The following PKP2 variants were observed in gnomAD, a reference collection of about 807,000 sequenced individuals.
The protein encoded by PKP2 is plakophilin-2.
In PKP2, 73 loss-of-function variants were observed where a neutral mutation model predicts 83.4. The observed-to-expected ratio is 0.88, with a 90% CI of 0.72 to 1.06. The LOEUF (loss-of-function observed/expected upper bound fraction) is 1.06, where lower values mean the gene tolerates loss of function less well. PKP2 is among the 50% of genes least tolerant of loss of function. PKP2 has a pLI of 0.00. For missense variants in PKP2, 966 were observed against 1,065.4 expected (o/e 0.91, Z 1.30); for synonymous variants, 409 against 430.4 (o/e 0.95, Z 0.62).
chr12:32,883,448 C>T (rs1957003085), intron 1 of PKP2, among the ~76,000 whole-genome samples: 1 of 152,104 alleles, frequency 6.6e-6, no homozygotes, highest in Non-Finnish European at 1.5e-5. Context: ...TAAAATAAGT[C>T]ATTTTCTGTT....
intron 1 of PKP2, among the ~76,000 whole-genome samples, chr12:32,886,225 T>C (rs1272050578): frequency 6.6e-6 from 1 of 152,202 alleles, no homozygotes; most frequent in Non-Finnish European, 1.5e-5. Flanking sequence ...TTACTGTTAT[T>C]TGGTCTTTCT....
chr12:32,857,120 G>T (rs1331063495), intron 4 of PKP2, among the ~76,000 whole-genome samples: 1 of 152,110 alleles, frequency 6.6e-6, no homozygotes, highest in Admixed American at 6.6e-5. Flanking sequence ...GAGAAGAAAA[G>T]CAAAAGAAGA....
intron 9 of PKP2, chr12:32,821,009 A>C: frequency 3.3e-6 from 1 of 299,644 alleles, no homozygotes; most frequent in South Asian, 3.4e-5. Flanking sequence ...GAGATGAAGA[A>C]AGTCAACTGT....
chr12:32,858,115 ATTTATATATATTTTATATT>A (rs1956770003), intron 4 of PKP2, among the ~76,000 whole-genome samples: 135 of 94,216 alleles, frequency 1.4e-3, no homozygotes, highest in Non-Finnish European at 2.2e-3. Flanking sequence ...ATATATATAT[ATTTATATATATTTTATATT>A]TATATATATA....
chr12:32,792,255 C>T lies in PKP2; in HGVS notation c.*169G>A. The T allele has an allele frequency of 1.5e-6, 1 of 677,038 alleles. No individual in the cohort carries two copies. The allele number at this position is 677,038 out of a possible 1,614,324, so 41.9% of individuals were successfully genotyped here. A position where few individuals can be genotyped will look rare whatever the true frequency, so the allele number is the denominator to read the frequency against. ...CTGGTGGCAAACTTGCAAAGGTCTT[C>T]TGGAAGACTCATAAAATTATGTTCT... On this transcript the variant is annotated 3_prime_UTR_variant, in exon 13 of 13. Coordinates refer to ENST00000340811, the MANE Select transcript of PKP2 (RefSeq NM_001005242.3).
intron 4 of PKP2, among the ~76,000 whole-genome samples, chr12:32,856,314 A>G (rs1000775810): frequency 1.3e-5 from 2 of 152,172 alleles, no homozygotes; most frequent in Non-Finnish European, 2.9e-5. Flanking sequence ...GCTGTGAAGC[A>G]TGAGACTATT....
At chr12:32,812,343 G>A (rs138138913) in intron 9 of PKP2, among the ~76,000 whole-genome samples, 1 of 152,126 alleles carries the variant, frequency 6.6e-6, no homozygotes, top group Non-Finnish European at 1.5e-5. Context: ...ACGGTAACAT[G>A]GAATCTGTGT....
At chr12:32,804,804 T>C (rs936107225) in intron 9 of PKP2, among the ~76,000 whole-genome samples, 1 of 152,230 alleles carries the variant, frequency 6.6e-6, no homozygotes, top group African/African-American at 2.4e-5. Context: ...TATATTCCTT[T>C]GGGTATATAC....
intron 9 of PKP2, among the ~76,000 whole-genome samples, chr12:32,806,312 G>A (rs1956225398): frequency 6.6e-6 from 1 of 152,096 alleles, no homozygotes; most frequent in Non-Finnish European, 1.5e-5. Flanking sequence ...TTGTACCTCT[G>A]GCAGAATTCA....
In PKP2 at chr12:32,796,141, G is replaced by T; in HGVS notation, c.2325C>A (p.Ile775=). 6.2e-7 allele frequency: 1 copy of T among 1,614,108 alleles called. No individual in the cohort carries two copies. Among genetic ancestry groups the T allele is most frequent in the South Asian group, 1.1e-5 (1 of 91,078 alleles). Residue 775 remains isoleucine, a synonymous_variant, in exon 11 of 13, where the codon ATC becomes ATA. Coordinates refer to ENST00000340811, the MANE Select transcript of PKP2 (RefSeq NM_001005242.3). ...NARDLLNTGG[I]QKIMAISAGD... is the part of the protein sequence containing the mutation. ...CTGCACTAATGGCCATAATTTTCTG[G>T]ATGCCCCCGGTGTTTAGAAGGTCGC...
intron 9 of PKP2, among the ~76,000 whole-genome samples, chr12:32,810,591 T>C (rs1956267932): frequency 6.6e-6 from 1 of 152,212 alleles, no homozygotes; most frequent in Non-Finnish European, 1.5e-5. Flanking sequence ...GTTTTTTTAA[T>C]CTACTCTTTA....
At chr12:32,875,195 A>G (rs1956921923) in intron 3 of PKP2, among the ~76,000 whole-genome samples, 1 of 152,208 alleles carries the variant, frequency 6.6e-6, no homozygotes, top group African/African-American at 2.4e-5. Flanking sequence ...TTTTTCTGAT[A>G]GAGACACTCA....
At chr12:32,890,404 A>T (rs932698840) in intron 1 of PKP2, among the ~76,000 whole-genome samples, 1 of 152,212 alleles carries the variant, frequency 6.6e-6, no homozygotes, top group Non-Finnish European at 1.5e-5. Context: ...GAAATCAAGG[A>T]ATTGCAGAAC....
At chr12:32,825,952 A>ATTTGG (rs1956436215) in intron 6 of PKP2, among the ~76,000 whole-genome samples, 1 of 152,154 alleles carries the variant, frequency 6.6e-6, no homozygotes, top group Non-Finnish European at 1.5e-5. Flanking sequence ...CTTCTGCCTC[A>ATTTGG]AAATACTGCT....
chr12:32,812,028 T>C (rs1956281259), intron 9 of PKP2, among the ~76,000 whole-genome samples: 1 of 151,950 alleles, frequency 6.6e-6, no homozygotes, highest in Non-Finnish European at 1.5e-5. Flanking sequence ...GCCATTTTAC[T>C]ATCCTTTGTG....
At chr12:32,855,773 CA>C (rs11431590) in intron 4 of PKP2, among the ~76,000 whole-genome samples, 88 of 46,838 alleles carry the variant, frequency 1.9e-3, no homozygotes, top group African/African-American at 5.1e-3. Flanking sequence ...GACTCCATCT[CA>C]AAAAAAAAAA....
intron 6 of PKP2, among the ~76,000 whole-genome samples, chr12:32,835,178 C>T (rs1443115565): frequency 6.6e-5 from 10 of 151,418 alleles, no homozygotes; most frequent in African/African-American, 1.5e-4. Context: ...CTCAGCCTCC[C>T]GAGTAGCCGG....
chr12:32,873,611 C>T (rs1432220923), intron 3 of PKP2, among the ~76,000 whole-genome samples: 1 of 152,028 alleles, frequency 6.6e-6, no homozygotes, highest in East Asian at 1.9e-4. Flanking sequence ...CTCATTGCAA[C>T]CTCCGCCTCC....
chr12:32,888,082 T>A (rs925212498), intron 1 of PKP2, among the ~76,000 whole-genome samples: 1 of 152,152 alleles, frequency 6.6e-6, no homozygotes, highest in African/African-American at 2.4e-5. Context: ...CTCAGGAGGC[T>A]GAGGTGAGAG....
Sources: allele counts gnomAD v4.1 joint callset (sites outside exome capture counted in the v4.1 genomes callset), GRCh38; gene constraint gnomAD v4.1.1; transcripts MANE v1.5; gene names NCBI Gene and HGNC (gene_info 2026-07-23, HGNC 2026-07-21).